CACNA1E: variants seen among roughly 807,000 people sequenced by gnomAD.
The protein encoded by CACNA1E is voltage-dependent R-type calcium channel subunit alpha-1E.
In CACNA1E, 40 loss-of-function variants were observed where a neutral mutation model predicts 259.2. That is an observed-to-expected ratio of 0.15 (90% CI 0.12 to 0.20). The LOEUF (loss-of-function observed/expected upper bound fraction) is 0.20, where lower values mean the gene tolerates loss of function less well. Among genes scored for constraint, CACNA1E ranks in the 10% least tolerant of loss-of-function variants. The pLI is 1.00. For synonymous variants in CACNA1E, 1,104 were observed against 1,138.5 expected (o/e 0.97, Z 0.61); for missense variants, 1,874 against 3,040.1 (o/e 0.62, Z 9.02).
intron 38 of CACNA1E, chr1:181,779,611 T>G (rs916572562): frequency 8.9e-6 from 3 of 337,586 alleles, no homozygotes; most frequent in African/African-American, 4.2e-5. Context: ...TGTCCTCTGC[T>G]CCACCACCAC....
In CACNA1E at chr1:181,733,015, A is replaced by G. The variant is rs374557063; in HGVS notation, c.2929A>G (p.Arg977Gly). The G allele has an allele frequency of 6.2e-7, 1 of 1,607,756 alleles. No homozygotes were observed. The change falls in exon 20 of 48, where the codon AGA becomes GGA. Residue 977 changes from arginine (R) to glycine (G), a missense_variant. By Grantham distance (125) the Arg-to-Gly change is moderately radical (BLOSUM62 -2). This residue lies in a region of CACNA1E where 476 missense variants were observed against 514.0 expected (regional missense o/e 0.93). Coordinates refer to ENST00000367573, the MANE Select transcript of CACNA1E (RefSeq NM_001205293.3). ...CAAGGAGCCAACGATCCAAGAAGAG[A>G]GAGCCCAGGATTTAAGGAGGTGAGT... ...GAKEPTIQEE[R>G]AQDLRRTNSL... is the part of the protein sequence containing the mutation.
intron 1 of CACNA1E, among the ~76,000 whole-genome samples, chr1:181,363,440 C>A (rs973058308): frequency 6.6e-6 from 1 of 152,130 alleles, no homozygotes; most frequent in Admixed American, 6.5e-5. Context: ...TCCCTAAATG[C>A]AGACCTCGAA....
At chr1:181,557,493 C>T (rs1039537474) in intron 3 of CACNA1E, among the ~76,000 whole-genome samples, 1 of 151,462 alleles carries the variant, frequency 6.6e-6, no homozygotes, top group African/African-American at 2.5e-5. Flanking sequence ...CTGTGTGGAG[C>T]AGGAGTGTCC....
At chr1:181,431,249 G>A (rs1659695132) in intron 2 of CACNA1E, among the ~76,000 whole-genome samples, 1 of 152,212 alleles carries the variant, frequency 6.6e-6, no homozygotes, top group South Asian at 2.1e-4. Flanking sequence ...GAGTTTTGAT[G>A]TGGCAGTGTG....
At chr1:181,522,987 C>A (rs1667100403) in intron 3 of CACNA1E, among the ~76,000 whole-genome samples, 1 of 152,208 alleles carries the variant, frequency 6.6e-6, no homozygotes, top group African/African-American at 2.4e-5. Context: ...ATTTTACATT[C>A]TGTTCTGAAA....
At chr1:181,498,149 G>C (rs1464143230) in intron 1 of CACNA1E, among the ~76,000 whole-genome samples, 1 of 152,202 alleles carries the variant, frequency 6.6e-6, no homozygotes, top group East Asian at 1.9e-4. Flanking sequence ...GAGTCATAGT[G>C]TGGAGGTGGC....
intron 1 of CACNA1E, among the ~76,000 whole-genome samples, chr1:181,353,474 A>G (rs1323607397): frequency 6.6e-6 from 1 of 152,194 alleles, no homozygotes; most frequent in East Asian, 1.9e-4. Context: ...GGTTTAGCCA[A>G]ATGAAAGGGG....
At chr1:181,440,075 C>T (rs923488850) in intron 2 of CACNA1E, among the ~76,000 whole-genome samples, 1 of 152,178 alleles carries the variant, frequency 6.6e-6, no homozygotes, top group Non-Finnish European at 1.5e-5. Context: ...AAAGTACTTT[C>T]GTGTCAATTA....
At chr1:181,484,947 T>C (rs1193276133) in intron 1 of CACNA1E, among the ~76,000 whole-genome samples, 2 of 152,202 alleles carry the variant, frequency 1.3e-5, no homozygotes, top group African/African-American at 2.4e-5. Context: ...GGAAGGAGCT[T>C]CTTTGCAGGT....
chr1:181,731,653 C>T lies in CACNA1E; in HGVS notation c.2297+422C>T, dbSNP rs868167508. Among the ~76,000 whole-genome samples, 47 of 152,206 alleles carry T rather than the reference C, an allele frequency of 3.1e-4. 1 individual carries two copies. Among genetic ancestry groups the T allele is most frequent in the African/African-American group, 9.9e-4 (41 of 41,538 alleles). ...AGGAGGTAACTTCCCCTCCGCCCAG[C>T]GAGCCCTCTCCCATGTGCTCTCCTG... On this transcript the variant is annotated intron_variant, in intron 19 of 47. Coordinates refer to ENST00000367573, the MANE Select transcript of CACNA1E (RefSeq NM_001205293.3).
chr1:181,451,101 T>A (rs1299408632), intron 2 of CACNA1E, among the ~76,000 whole-genome samples: 1 of 152,176 alleles, frequency 6.6e-6, no homozygotes, highest in Non-Finnish European at 1.5e-5. Context: ...TGTATGGGCA[T>A]GTGGAGGTAT....
rs377536482 is a variant in CACNA1E at position 181,798,775 on chromosome 1, A to C, written c.6883A>C (p.Met2295Leu). ...RRRRGGPGPG[M>L]MCGAVNNLLS... ...GAGGCGCGGGGGGCCTGGGCCAGGCATGATGTGTGGGGCTGTCAACAACCT... is the reference window on the plus strand; with the variant it reads ...GAGGCGCGGGGGGCCTGGGCCAGGCCTGATGTGTGGGGCTGTCAACAACCT... The change falls in exon 48 of 48, where the codon ATG (methionine) becomes CTG (leucine). Residue 2295 changes from methionine (M) to leucine (L), a missense_variant. Met to Leu is a conservative substitution (Grantham distance 15, BLOSUM62 2). Around this residue, in one of 14 missense-constraint regions of CACNA1E, gnomAD observed 542 missense variants for 587.2 expected, o/e 0.92. Coordinates refer to ENST00000367573, the MANE Select transcript of CACNA1E (RefSeq NM_001205293.3). The surrounding 1 kb of genome is among the most constrained non-coding windows in gnomAD (Gnocchi z 4.2). 13 of 1,585,976 alleles carry C rather than the reference A, an allele frequency of 8.2e-6. No homozygotes were observed. Among genetic ancestry groups the C allele is most frequent in the Non-Finnish European group, 1.1e-5 (13 of 1,165,492 alleles).
At chr1:181,580,526 C>T in intron 5 of CACNA1E, 69 bp from the exon 6 acceptor site, 12 of 1,482,138 alleles carry the variant, frequency 8.1e-6, no homozygotes, top group Non-Finnish European at 1.9e-6. Context: ...CCTATGGCTT[C>T]CTGGGGTCAT....
Position 181,717,255 on chromosome 1 carries a change from T to C in CACNA1E, c.1478T>C (p.Val493Ala). The change falls in exon 11 of 48, where the codon GTG becomes GCG. Residue 493 changes from valine (V) to alanine (A), a missense_variant. By Grantham distance (64) the Val-to-Ala change is moderately conservative. Coordinates refer to ENST00000367573, the MANE Select transcript of CACNA1E (RefSeq NM_001205293.3). The part of the protein sequence containing the change: ...LSLVALNTAC[V>A]AIVHHNQPQW... ...CTTGTGGCACTCAACACTGCCTGTGTGGCCATTGTCCATCACAACCAGCCC... is the reference window on the plus strand; with the variant it reads ...CTTGTGGCACTCAACACTGCCTGTGCGGCCATTGTCCATCACAACCAGCCC... The C allele has an allele frequency of 6.2e-7, 1 of 1,613,994 alleles. No individual in the cohort carries two copies.
intron 1 of CACNA1E, among the ~76,000 whole-genome samples, chr1:181,359,358 C>T (rs879190450): frequency 9.2e-5 from 14 of 152,088 alleles, no homozygotes; most frequent in Non-Finnish European, 1.8e-4. Context: ...AAGAAAGTGA[C>T]GTTTGCACTT....
intron 1 of CACNA1E, among the ~76,000 whole-genome samples, chr1:181,388,469 ATC>A (rs1656017011): frequency 6.6e-6 from 1 of 152,246 alleles, no homozygotes; most frequent in Middle Eastern, 3.2e-3. Flanking sequence ...GGTATAGCCT[ATC>A]GCTCCTAGGC....
intron 6 of CACNA1E, among the ~76,000 whole-genome samples, chr1:181,593,929 G>A (rs1256704998): frequency 1.3e-5 from 2 of 152,192 alleles, no homozygotes; most frequent in African/African-American, 4.8e-5. Context: ...CCATGAGAGA[G>A]TCTATACCAG....
rs1268896765 is a variant in CACNA1E, at chr1:181,798,325, T to C, written c.6433T>C (p.Ser2145Pro). 1.2e-6 allele frequency: 2 copies of C among 1,604,240 alleles called. No homozygotes were observed. The highest frequency in any genetic ancestry group is 1.7e-6 in the Non-Finnish European group (2 of 1,176,582). The change falls in exon 48 of 48, where the codon TCT (serine) becomes CCT (proline). Residue 2145 changes from serine to proline, a missense_variant. Physicochemically the swap from Ser to Pro is moderately conservative, Grantham distance 74 (BLOSUM62 -1). This residue lies in a region of CACNA1E where 542 missense variants were observed against 587.2 expected (regional missense o/e 0.92). Coordinates refer to ENST00000367573, the MANE Select transcript of CACNA1E (RefSeq NM_001205293.3). This position sits in a 1 kb window ranked among gnomAD's most constrained non-coding sequence, Gnocchi z 4.2. The part of the protein sequence containing the change: ...TGSLSESSIP[S>P]VSDTSTPRRS... ...TTCCCTAAGTGAGAGCTCCATCCCC[T>C]CTGTCTCTGACACCAGCACCCCAAG...
At chr1:181,797,434 A>G (rs1326348717) in intron 47 of CACNA1E, among the ~76,000 whole-genome samples, 1 of 152,200 alleles carries the variant, frequency 6.6e-6, no homozygotes, top group Non-Finnish European at 1.5e-5. Context: ...CCATAATAGG[A>G]GACCCCCTCA....
Sources: gnomAD v4.1 joint callset for allele counts (sites outside exome capture counted in the v4.1 genomes callset) on GRCh38, gnomAD v4.1.1 for gene constraint, gnomAD v4.1.1 regional missense constraint, Gnocchi (gnomAD v3.1) non-coding constraint, MANE v1.5 for transcripts, NCBI Gene and HGNC (gene_info 2026-07-23, HGNC 2026-07-21) for gene names.